NPLOC4: variants seen among roughly 807,000 people sequenced by gnomAD.
NPLOC4 encodes nuclear protein localization protein 4 homolog.
A neutral mutation model predicts 80.6 loss-of-function variants in NPLOC4; 18 were observed. That is an observed-to-expected ratio of 0.22 (90% CI 0.15 to 0.33). The LOEUF (loss-of-function observed/expected upper bound fraction) is 0.33. NPLOC4 is among the 10% of genes least tolerant of loss of function. The pLI is 1.00. For synonymous variants in NPLOC4, 313 were observed against 301.5 expected (o/e 1.04, Z -0.39); for missense variants, 540 against 786.1 (o/e 0.69, Z 3.74).
At chr17:81,599,288 AAAAAAAAAAT>A (rs1823978038) in intron 9 of NPLOC4, among the ~76,000 whole-genome samples, 1 of 92,692 alleles carries the variant, frequency 1.1e-5, no homozygotes, top group Non-Finnish European at 2.2e-5. Context: ...GACTCCTCAA[AAAAAAAAAAT>A]AAAATAAAAT....
At chr17:81,595,696 C>G (rs894142280) in intron 11 of NPLOC4, among the ~76,000 whole-genome samples, 3 of 151,768 alleles carry the variant, frequency 2.0e-5, no homozygotes, top group Admixed American at 6.6e-5. Flanking sequence ...AGGCGCCCAC[C>G]ACCATGCCCA....
At chr17:81,559,470 C>A in intron 16 of NPLOC4, 54 bp from the exon 17 acceptor site, 1 of 1,544,430 alleles carries the variant, frequency 6.5e-7, no homozygotes, top group Non-Finnish European at 8.8e-7. Context: ...CCAGAGACTG[C>A]CAGAGTGTGG....
intron 7 of NPLOC4, 42 bp downstream of exon 7, chr17:81,606,649 T>C: frequency 3.8e-6 from 6 of 1,593,454 alleles, no homozygotes; most frequent in Non-Finnish European, 3.4e-6. Flanking sequence ...TATCCGTTTC[T>C]CAGCCATGAA....
chr17:81,599,214 G>A (rs545196353), intron 9 of NPLOC4, among the ~76,000 whole-genome samples: 7 of 151,930 alleles, frequency 4.6e-5, no homozygotes, highest in Non-Finnish European at 7.4e-5. Flanking sequence ...ACTTGAACCC[G>A]GGAGGCAGAG....
chr17:81,633,952 C>T (rs1303059954), intron 1 of NPLOC4, among the ~76,000 whole-genome samples: 5 of 151,850 alleles, frequency 3.3e-5, no homozygotes, highest in African/African-American at 1.2e-4. Context: ...CTGCAATCTC[C>T]GCCTCCCGGG....
intron 11 of NPLOC4, among the ~76,000 whole-genome samples, chr17:81,593,854 G>A (rs2034815459): frequency 6.6e-6 from 1 of 151,994 alleles, no homozygotes; most frequent in South Asian, 2.1e-4. Context: ...AGTCCCCCAC[G>A]ACAGCACCCT....
intron 12 of NPLOC4, among the ~76,000 whole-genome samples, chr17:81,583,176 C>T (rs535012938): frequency 3.0e-4 from 46 of 152,326 alleles, no homozygotes; most frequent in Middle Eastern, 6.8e-3. Context: ...TATCAAAACT[C>T]GAAAAACCTT....
intron 2 of NPLOC4, among the ~76,000 whole-genome samples, chr17:81,624,157 A>G (rs2144308481): frequency 6.6e-6 from 1 of 152,216 alleles, no homozygotes; most frequent in African/African-American, 2.4e-5. Context: ...GTGGTGACTC[A>G]CGCCTGTAAT....
At chr17:81,574,562 T>A (rs1302894620) in intron 12 of NPLOC4, among the ~76,000 whole-genome samples, 1 of 152,120 alleles carries the variant, frequency 6.6e-6, no homozygotes, top group Non-Finnish European at 1.5e-5. Flanking sequence ...GCCGTCAAAG[T>A]GTCAGCAGCT....
In NPLOC4 at chr17:81,590,671, G is replaced by GAA. The variant is rs112640115; in HGVS notation, c.1121-1569_1121-1568dup. Among the ~76,000 whole-genome samples the GAA allele has an allele frequency of 2.0e-3, 303 of 151,586 alleles. 1 individual carries two copies. The highest frequency in any genetic ancestry group is 7.1e-3 in the African/African-American group (292 of 41,302). Reference sequence around the variant, plus strand: ...CTCAACATTTGTTATAGTTTTGGATGAAAAAAAACCCTCAATACCTCTATT... The same window carrying GAA: ...CTCAACATTTGTTATAGTTTTGGATGAAAAAAAAAACCCTCAATACCTCTATT... On this transcript the variant is annotated intron_variant, in intron 11 of 16. Coordinates refer to ENST00000331134, the MANE Select transcript of NPLOC4 (RefSeq NM_017921.4).
At chr17:81,570,758 G>A (rs1339397715) in intron 13 of NPLOC4, among the ~76,000 whole-genome samples, 2 of 152,178 alleles carry the variant, frequency 1.3e-5, no homozygotes, top group Non-Finnish European at 2.9e-5. Context: ...TGAGGCCAGC[G>A]CCTGTGGCCC....
intron 3 of NPLOC4, among the ~76,000 whole-genome samples, chr17:81,617,217 CCT>C (rs1214035718): frequency 6.6e-6 from 1 of 152,008 alleles, no homozygotes; most frequent in African/African-American, 2.4e-5. Flanking sequence ...CCACATGGCC[CCT>C]GTGAGTACTT....
At chr17:81,616,320 CAAAAAAAAA>C (rs56118520) in intron 3 of NPLOC4, among the ~76,000 whole-genome samples, 1 of 38,484 alleles carries the variant, frequency 2.6e-5, no homozygotes, top group Non-Finnish European at 5.1e-5. Context: ...GACTCTGTCT[CAAAAAAAAA>C]AAAAAAAAAG....
intron 12 of NPLOC4, among the ~76,000 whole-genome samples, chr17:81,582,923 G>A (rs535025349): frequency 3.9e-4 from 60 of 152,330 alleles, no homozygotes; most frequent in Non-Finnish European, 7.4e-4. Context: ...CTCCCGATTC[G>A]AAGAAACACA....
chr17:81,581,375 A>AAAAAAAAAAAAAATGTC (rs1555680405), intron 12 of NPLOC4, among the ~76,000 whole-genome samples: 2 of 72,810 alleles, frequency 2.7e-5, no homozygotes, highest in Non-Finnish European at 5.7e-5. Context: ...AAAAAAAAAA[A>AAAAAAAAAAAAAATGTC]AGTTAATAAA....
intron 16 of NPLOC4, chr17:81,563,636 C>T (rs1598613840): frequency 4.3e-6 from 1 of 231,396 alleles, no homozygotes; most frequent in Admixed American, 5.5e-5. Context: ...CATCAAAGGG[C>T]TGGGTGCAGT....
intron 8 of NPLOC4, among the ~76,000 whole-genome samples, chr17:81,601,830 C>T (rs2035063399): frequency 6.6e-6 from 1 of 152,138 alleles, no homozygotes; most frequent in Non-Finnish European, 1.5e-5. Context: ...GAAAGACACA[C>T]ATTTGTGCAG....
chr17:81,600,475 GA>G, intron 8 of NPLOC4, 48 bp from the exon 9 acceptor site: 1 of 1,456,290 alleles, frequency 6.9e-7, no homozygotes, highest in Non-Finnish European at 9.5e-7. Context: ...GAGGGCTCAG[GA>G]AGCAGCACCC....
intron 1 of NPLOC4, 48 bp from the exon 2 acceptor site, chr17:81,629,853 T>C (rs745912612): frequency 2.9e-6 from 4 of 1,365,716 alleles, no homozygotes; most frequent in Middle Eastern, 1.8e-4. Context: ...AGTGAGGTCC[T>C]GATCTAATAC....
Sources: gnomAD v4.1 joint callset for allele counts (sites outside exome capture counted in the v4.1 genomes callset) on GRCh38, gnomAD v4.1.1 for gene constraint, MANE v1.5 for transcripts, NCBI Gene and HGNC (gene_info 2026-07-23, HGNC 2026-07-21) for gene names.